KCTD16: variants seen among roughly 807,000 people sequenced by gnomAD.
The protein encoded by KCTD16 is BTB/POZ domain-containing protein KCTD16.
A neutral mutation model predicts 33.2 loss-of-function variants in KCTD16; 13 were observed. The ratio of observed to expected loss-of-function variants is 0.39; its 90% CI spans 0.25 to 0.62. The LOEUF is 0.62. Ranked by LOEUF, KCTD16 falls within the 20% of genes least tolerant of loss-of-function variation. The pLI, the probability that KCTD16 is intolerant of heterozygous loss-of-function variation, is 0.50. For missense variants in KCTD16, 441 were observed against 525.1 expected (o/e 0.84, Z 1.57); for synonymous variants, 197 against 195.3 (o/e 1.01, Z -0.07).
intron 3 of KCTD16, among the ~76,000 whole-genome samples, chr5:144,238,639 C>T (rs897962996): frequency 1.3e-5 from 2 of 152,068 alleles, no homozygotes; most frequent in African/African-American, 4.8e-5. Flanking sequence ...GTAGGCTTTG[C>T]TCCTTAAGAG....
chr5:144,347,942 A>T (rs981073884), intron 3 of KCTD16, among the ~76,000 whole-genome samples: 1 of 152,140 alleles, frequency 6.6e-6, no homozygotes, highest in African/African-American at 2.4e-5. Context: ...CTCATGTCCT[A>T]GTGCCTCCAG....
chr5:144,309,565 G>C (rs929548605), intron 3 of KCTD16, among the ~76,000 whole-genome samples: 13 of 152,116 alleles, frequency 8.5e-5, no homozygotes, highest in Non-Finnish European at 1.9e-4. Flanking sequence ...TAATGAGAGA[G>C]ACCAGACAAA....
Position 144,207,148 on chromosome 5 carries a change from G to A in KCTD16, c.434G>A (p.Gly145Glu), listed in dbSNP as rs1373988724. 8.7e-6 allele frequency: 14 copies of A among 1,611,706 alleles called. No individual in the cohort carries two copies. The highest frequency in any genetic ancestry group is 1.7e-5 in the Admixed American group (1 of 59,644). ...CHSDFEDASQ[G>E]SDTRICPPSS... ...AGTGACTTTGAAGATGCCTCCCAAGGAAGCGACACAAGAATCTGCCCCCCT... is the reference window on the plus strand; with the variant it reads ...AGTGACTTTGAAGATGCCTCCCAAGAAAGCGACACAAGAATCTGCCCCCCT... Residue 145 changes from glycine to glutamate, a missense_variant, in exon 3 of 4, where the codon GGA (glycine) becomes GAA (glutamate). Physicochemically the swap from Gly to Glu is moderately conservative, Grantham distance 98 (BLOSUM62 -2). This residue lies in a region of KCTD16 where 355 missense variants were observed against 413.0 expected (regional missense o/e 0.86). Coordinates refer to ENST00000512467, the MANE Select transcript of KCTD16 (RefSeq NM_020768.4).
chr5:144,186,376 A>AT (rs1285707854), intron 2 of KCTD16, among the ~76,000 whole-genome samples: 6 of 151,406 alleles, frequency 4.0e-5, no homozygotes, highest in Non-Finnish European at 7.4e-5. Context: ...AAAAAAAAAA[A>AT]ACTAATGGCT....
chr5:144,400,156 AGGATACAGTTCTTGTGG>A (rs1752670184), intron 3 of KCTD16, among the ~76,000 whole-genome samples: 1 of 152,248 alleles, frequency 6.6e-6, no homozygotes, highest in African/African-American at 2.4e-5. Flanking sequence ...TGGCTTAACC[AGGATACAGTTCTTGTGG>A]GGATAGGTGC....
intron 3 of KCTD16, among the ~76,000 whole-genome samples, chr5:144,435,187 A>G (rs1478697614): frequency 6.6e-6 from 1 of 152,160 alleles, no homozygotes; most frequent in African/African-American, 2.4e-5. Context: ...TAGCCCCCTT[A>G]CCCGCTCCAT....
intron 2 of KCTD16, among the ~76,000 whole-genome samples, chr5:144,176,645 A>G (rs1375233892): frequency 6.8e-6 from 1 of 146,916 alleles, no homozygotes; most frequent in African/African-American, 2.5e-5. Context: ...CTCATGATCC[A>G]CTCGCCTCGG....
rs1319295075 is a variant in KCTD16, at chr5:144,207,406, A to G, written c.692A>G (p.Lys231Arg). 2.5e-6 allele frequency: 4 copies of G among 1,614,248 alleles called. 1 individual carries two copies. In the South Asian group the frequency reaches 4.4e-5, roughly 18 times the overall value. ...RYTSRFYLKF[K>R]HLERAFDMLS... The stretch of plus-strand genomic sequence containing the variant: ...ACCTCCAGATTTTATCTCAAATTCA[A>G]GCACCTGGAAAGGGCTTTTGATATG... Residue 231 changes from lysine (K) to arginine (R), a missense_variant, in exon 3 of 4, where the codon AAG becomes AGG. This residue lies in a region of KCTD16 where 355 missense variants were observed against 413.0 expected (regional missense o/e 0.86). Coordinates refer to ENST00000512467, the MANE Select transcript of KCTD16 (RefSeq NM_020768.4).
At chr5:144,445,862 T>G (rs1753807465) in intron 3 of KCTD16, among the ~76,000 whole-genome samples, 1 of 151,944 alleles carries the variant, frequency 6.6e-6, no homozygotes, top group Admixed American at 6.6e-5. Flanking sequence ...ATTGAGGACT[T>G]ATGGGGGCTA....
intron 3 of KCTD16, among the ~76,000 whole-genome samples, chr5:144,452,039 T>G (rs184026025): frequency 1.3e-4 from 19 of 150,924 alleles, no homozygotes; most frequent in Admixed American, 6.6e-5. Flanking sequence ...ATTTCTTACC[T>G]CCCATCTAAG....
At chr5:144,299,987 TTTA>T (rs1049510970) in intron 3 of KCTD16, among the ~76,000 whole-genome samples, 1 of 151,984 alleles carries the variant, frequency 6.6e-6, no homozygotes, top group Non-Finnish European at 1.5e-5. Context: ...TCAGTAATCA[TTTA>T]TAGCTGTCTA....
intron 3 of KCTD16, among the ~76,000 whole-genome samples, chr5:144,326,210 C>A (rs1397732642): frequency 6.6e-6 from 1 of 152,058 alleles, no homozygotes; most frequent in Non-Finnish European, 1.5e-5. Context: ...CATCAGTTAC[C>A]ATGGGAGGCA....
chr5:144,197,328 G>A (rs1752957940), intron 2 of KCTD16, among the ~76,000 whole-genome samples: 1 of 151,946 alleles, frequency 6.6e-6, no homozygotes, highest in Non-Finnish European at 1.5e-5. Context: ...ATTCATGAAG[G>A]GTCAGTTCTC....
rs576428045 is a variant in KCTD16, at chr5:144,387,322, C to G, written c.833-86338C>G. On this transcript the variant is annotated intron_variant, in intron 3 of 3. Coordinates refer to ENST00000512467, the MANE Select transcript of KCTD16 (RefSeq NM_020768.4). ...TGTCTTTATCATTTTCTCACAACCT[C>G]ATGGTGGTGGTATTTTTGTTTTCTC... is the stretch of plus-strand genomic sequence containing the variant. Among the ~76,000 whole-genome samples the G allele has an allele frequency of 1.1e-4, 17 of 152,134 alleles. No homozygotes were observed. In the South Asian group the frequency reaches 3.1e-3, roughly 28 times the overall value.
intron 2 of KCTD16, among the ~76,000 whole-genome samples, chr5:144,182,910 GTTAC>G (rs1331059808): frequency 6.6e-6 from 1 of 151,970 alleles, no homozygotes; most frequent in African/African-American, 2.4e-5. Flanking sequence ...ATTGTTTGTT[GTTAC>G]TTAACACATA....
chr5:144,379,686 G>T lies in KCTD16; in HGVS notation c.833-93974G>T, dbSNP rs151279610. On this transcript the variant is annotated intron_variant, in intron 3 of 3. Transcript: ENST00000512467. ...TATTCACTCTTTCTTTTAAATTAAA[G>T]TTTCACAAAGATGGCCTTTGCAAAC... Among the ~76,000 whole-genome samples, 674 of 152,164 alleles carry T rather than the reference G, an allele frequency of 4.4e-3. 1 individual carries two copies. The highest frequency in any genetic ancestry group is 0.017 in the Middle Eastern group (5 of 294).
At chr5:144,346,289 G>A (rs906059662) in intron 3 of KCTD16, among the ~76,000 whole-genome samples, 3 of 152,080 alleles carry the variant, frequency 2.0e-5, no homozygotes, top group African/African-American at 7.2e-5. Flanking sequence ...TCAAACCTTA[G>A]GTATTGAAAG....
At chr5:144,268,215 A>G (rs758326139) in intron 3 of KCTD16, among the ~76,000 whole-genome samples, 36 of 151,368 alleles carry the variant, frequency 2.4e-4, no homozygotes, top group Non-Finnish European at 4.4e-4. Context: ...CCAAAGTGGG[A>G]AAAAAAAATA....
chr5:144,452,479 TG>T (rs1753966535), intron 3 of KCTD16, among the ~76,000 whole-genome samples: 2 of 151,434 alleles, frequency 1.3e-5, no homozygotes, highest in African/African-American at 2.4e-5. Flanking sequence ...AGAAGTGGAT[TG>T]GGGGGAGCAA....
Sources: gnomAD v4.1 joint callset for allele counts (sites outside exome capture counted in the v4.1 genomes callset) on GRCh38, gnomAD v4.1.1 for gene constraint, gnomAD v4.1.1 regional missense constraint, MANE v1.5 for transcripts, NCBI Gene and HGNC (gene_info 2026-07-23, HGNC 2026-07-21) for gene names.